Variants in NUDCD1 observed in about 807,000 individuals in gnomAD.
NUDCD1 encodes the protein NudC domain containing 1.
In NUDCD1, 60 loss-of-function variants were observed where a neutral mutation model predicts 67.8. The ratio of observed to expected loss-of-function variants is 0.88; its 90% CI spans 0.72 to 1.10. NUDCD1 has a LOEUF of 1.10. Among genes scored for constraint, NUDCD1 ranks in the 50% least tolerant of loss-of-function variants. NUDCD1 has a pLI of 0.00. For synonymous variants in NUDCD1, 244 were observed against 230.8 expected (o/e 1.06, Z -0.52); for missense variants, 643 against 695.0 (o/e 0.93, Z 0.84).
intron 8 of NUDCD1, among the ~76,000 whole-genome samples, chr8:109,256,563 A>G (rs980548258): frequency 1.3e-5 from 2 of 152,218 alleles, no homozygotes; most frequent in African/African-American, 4.8e-5. Context: ...TAGGAAGCCT[A>G]CTATAGGGAG....
At chr8:109,332,536 A>G (rs148910728) in intron 1 of NUDCD1, among the ~76,000 whole-genome samples, 5,016 of 152,260 alleles carry the variant, frequency 0.033, 113 homozygotes, top group Middle Eastern at 0.12. Context: ...CCCTCCAAAC[A>G]TATGAGGAAG....
intron 5 of NUDCD1, among the ~76,000 whole-genome samples, chr8:109,288,543 G>A (rs149482786): frequency 6.6e-6 from 1 of 152,168 alleles, no homozygotes; most frequent in East Asian, 1.9e-4. Flanking sequence ...TAAAGAAAAG[G>A]CCTACTAAGC....
At chr8:109,324,062 AC>A (rs1008766413) in intron 1 of NUDCD1, among the ~76,000 whole-genome samples, 5 of 152,140 alleles carry the variant, frequency 3.3e-5, no homozygotes, top group African/African-American at 1.2e-4. Context: ...ATTATATTTA[AC>A]TAAACAACAA....
chr8:109,326,196 C>T (rs367804240), intron 1 of NUDCD1, among the ~76,000 whole-genome samples: 1 of 152,208 alleles, frequency 6.6e-6, no homozygotes, highest in African/African-American at 2.4e-5. Context: ...CTTATTACAA[C>T]ACTTCATGAT....
At chr8:109,291,546 C>G (rs140808020) in intron 4 of NUDCD1, among the ~76,000 whole-genome samples, 2 of 152,084 alleles carry the variant, frequency 1.3e-5, no homozygotes, top group African/African-American at 4.8e-5. Context: ...CATAAATATA[C>G]TTTATGAAAT....
At chr8:109,333,672 AG>A (rs1426536891) in intron 1 of NUDCD1, among the ~76,000 whole-genome samples, 1 of 152,154 alleles carries the variant, frequency 6.6e-6, no homozygotes, top group Non-Finnish European at 1.5e-5. Flanking sequence ...CTGCTGACGG[AG>A]GGGGCCCAGG....
At chr8:109,311,407 A>C (rs541531090) in intron 2 of NUDCD1, among the ~76,000 whole-genome samples, 43 of 152,098 alleles carry the variant, frequency 2.8e-4, no homozygotes, top group African/African-American at 9.2e-4. Context: ...TTGATCCAGC[A>C]ATCCCACTAC....
chr8:109,264,847 CCTA>C (rs1473319957), intron 8 of NUDCD1, among the ~76,000 whole-genome samples: 1 of 150,608 alleles, frequency 6.6e-6, no homozygotes, highest in Admixed American at 6.6e-5. Flanking sequence ...TGACATTCCT[CCTA>C]CTTTTTTTTT....
At chr8:109,244,915 T>C (rs1813458619) in intron 9 of NUDCD1, among the ~76,000 whole-genome samples, 2 of 152,212 alleles carry the variant, frequency 1.3e-5, no homozygotes, top group African/African-American at 4.8e-5. Flanking sequence ...TCTCCTAATG[T>C]GCATTACACC....
At chr8:109,330,789 A>G (rs967939112) in intron 1 of NUDCD1, among the ~76,000 whole-genome samples, 1 of 152,244 alleles carries the variant, frequency 6.6e-6, no homozygotes, top group Non-Finnish European at 1.5e-5. Flanking sequence ...ACGAAGGAAC[A>G]GAACACAAAA....
intron 8 of NUDCD1, among the ~76,000 whole-genome samples, chr8:109,249,753 C>T (rs1563658177): frequency 6.6e-6 from 1 of 151,772 alleles, no homozygotes; most frequent in Non-Finnish European, 1.5e-5. Context: ...AGTAAACAAA[C>T]TAGTCAATTT....
intron 2 of NUDCD1, among the ~76,000 whole-genome samples, chr8:109,313,182 C>A (rs993694355): frequency 7.9e-5 from 12 of 152,154 alleles, no homozygotes; most frequent in Admixed American, 7.9e-4. Flanking sequence ...TCCCTTACTG[C>A]AAAAGTAACA....
chr8:109,270,906 G>A, intron 8 of NUDCD1, 99 bp downstream of exon 8: 1 of 731,414 alleles, frequency 1.4e-6, no homozygotes, highest in East Asian at 2.6e-5. Context: ...ATCAAAGCCA[G>A]TAACTGCTAA....
chr8:109,327,710 A>T (rs902892201), intron 1 of NUDCD1, among the ~76,000 whole-genome samples: 1 of 152,164 alleles, frequency 6.6e-6, no homozygotes, highest in African/African-American at 2.4e-5. Flanking sequence ...TAATTCCCAC[A>T]CAGGTGTTTA....
chr8:109,310,068 T>C (rs1466548787), intron 2 of NUDCD1, among the ~76,000 whole-genome samples: 1 of 151,960 alleles, frequency 6.6e-6, no homozygotes, highest in East Asian at 1.9e-4. Context: ...AATCTACAAA[T>C]TCAATGCAAT....
chr8:109,282,585 A>G (rs1452250577), intron 5 of NUDCD1, among the ~76,000 whole-genome samples: 1 of 152,070 alleles, frequency 6.6e-6, no homozygotes, highest in Non-Finnish European at 1.5e-5. Flanking sequence ...ATAAGAAACC[A>G]GAAAATCAAA....
intron 1 of NUDCD1, among the ~76,000 whole-genome samples, chr8:109,330,198 G>A (rs1268214803): frequency 6.6e-6 from 1 of 152,148 alleles, no homozygotes; most frequent in Non-Finnish European, 1.5e-5. Flanking sequence ...TAAGTTTTTT[G>A]TTTCGTTCTT....
chr8:109,281,218 A>T, intron 5 of NUDCD1, 46 bp from the exon 6 acceptor site: 4 of 1,253,146 alleles, frequency 3.2e-6, no homozygotes, highest in Non-Finnish European at 4.6e-6. Context: ...AATTAGAGAA[A>T]GCATACACAC....
chr8:109,273,184 G>A (rs1050900006), intron 7 of NUDCD1, among the ~76,000 whole-genome samples: 8 of 144,462 alleles, frequency 5.5e-5, no homozygotes, highest in Non-Finnish European at 1.2e-4. Flanking sequence ...AAAAAGCTGA[G>A]TTTGGGGTAT....
Sources: allele counts gnomAD v4.1 joint callset (sites outside exome capture counted in the v4.1 genomes callset), GRCh38; gene constraint gnomAD v4.1.1; transcripts MANE v1.5; gene names NCBI Gene and HGNC (gene_info 2026-07-23, HGNC 2026-07-21).